LINGO2: variants seen among roughly 807,000 people sequenced by gnomAD.
The protein encoded by LINGO2 is leucine-rich repeat and immunoglobulin-like domain-containing nogo receptor-interacting protein 2.
Under a neutral mutation model 30.6 loss-of-function variants are expected in LINGO2, and 14 were observed. The observed-to-expected ratio is 0.46, with a 90% confidence interval of 0.30 to 0.72. The LOEUF (loss-of-function observed/expected upper bound fraction) is 0.72. Ranked by LOEUF, LINGO2 falls within the 30% of genes least tolerant of loss-of-function variation. The pLI is 0.07. For missense variants in LINGO2, 729 were observed against 751.7 expected (o/e 0.97, Z 0.35); for synonymous variants, 317 against 288.5 (o/e 1.10, Z -1.00).
At chr9:29,073,297 C>T in the LINGO2 span, among the ~76,000 whole-genome samples, 2 of 151,922 alleles carry the variant, frequency 1.3e-5, no homozygotes, top group African/African-American at 2.4e-5. Context: ...CTAAAGACAT[C>T]GTTCAGATAA....
the LINGO2 span, among the ~76,000 whole-genome samples, chr9:28,723,255 T>C: frequency 6.6e-6 from 1 of 152,138 alleles, no homozygotes; most frequent in Non-Finnish European, 1.5e-5. Context: ...CTGTTGCTGG[T>C]ATAAGTGCTG....
intron 5 of LINGO2, among the ~76,000 whole-genome samples, chr9:27,988,467 C>T (rs191419341): frequency 2.6e-5 from 4 of 152,172 alleles, no homozygotes; most frequent in Admixed American, 6.5e-5. Flanking sequence ...GTCCCACCAA[C>T]AGTGTAAAAG....
At chr9:28,195,233 A>G (rs1243607130) in intron 4 of LINGO2, among the ~76,000 whole-genome samples, 5 of 151,892 alleles carry the variant, frequency 3.3e-5, no homozygotes, top group Non-Finnish European at 7.4e-5. Context: ...TGACAGGAAA[A>G]GGCATAAAAT....
the LINGO2 span, among the ~76,000 whole-genome samples, chr9:29,206,856 T>G: frequency 6.6e-6 from 1 of 152,174 alleles, no homozygotes; most frequent in Non-Finnish European, 1.5e-5. Context: ...TGCATATTAA[T>G]TGATGTGAAT....
chr9:28,177,662 T>TA (rs1270170606), intron 4 of LINGO2, among the ~76,000 whole-genome samples: 1 of 151,912 alleles, frequency 6.6e-6, no homozygotes, highest in Non-Finnish European at 1.5e-5. Context: ...GGTGGAAATA[T>TA]AAAAAGGAGC....
chr9:29,172,194 T>G, the LINGO2 span, among the ~76,000 whole-genome samples: 1 of 151,910 alleles, frequency 6.6e-6, no homozygotes, highest in Non-Finnish European at 1.5e-5. Flanking sequence ...AGAGTATTTT[T>G]GATAGTTATT....
intron 2 of LINGO2, among the ~76,000 whole-genome samples, chr9:28,461,299 C>T (rs1056107925): frequency 3.3e-5 from 5 of 152,044 alleles, no homozygotes; most frequent in Non-Finnish European, 7.4e-5. Context: ...GCTATACAAG[C>T]AGTATTTTCA....
chr9:28,802,543 C>T, the LINGO2 span, among the ~76,000 whole-genome samples: 1 of 151,538 alleles, frequency 6.6e-6, no homozygotes, highest in African/African-American at 2.4e-5. Context: ...TTCAAAAATA[C>T]TTGTCAGAAT....
the LINGO2 span, among the ~76,000 whole-genome samples, chr9:29,062,682 A>C: frequency 6.6e-6 from 1 of 152,092 alleles, no homozygotes; most frequent in South Asian, 2.1e-4. Context: ...GAGTAAAGAG[A>C]ATGAAATGGG....
the LINGO2 span, among the ~76,000 whole-genome samples, chr9:29,128,747 G>A: frequency 6.6e-6 from 1 of 152,096 alleles, no homozygotes; most frequent in African/African-American, 2.4e-5. Context: ...CTATCTCATG[G>A]CTAGAGTTCC....
chr9:28,509,339 G>T (rs1479688508), intron 1 of LINGO2, among the ~76,000 whole-genome samples: 1 of 152,150 alleles, frequency 6.6e-6, no homozygotes, highest in African/African-American at 2.4e-5. Context: ...TTTATTGCTT[G>T]AAACTCCTTC....
chr9:29,208,690 CA>C, the LINGO2 span, among the ~76,000 whole-genome samples: 1 of 152,078 alleles, frequency 6.6e-6, no homozygotes, highest in African/African-American at 2.4e-5. Context: ...TAGCTGTTAT[CA>C]ATTTTTAAAC....
the LINGO2 span, among the ~76,000 whole-genome samples, chr9:28,832,458 G>T: frequency 3.9e-4 from 60 of 152,118 alleles, no homozygotes; most frequent in Non-Finnish European, 7.4e-4. Context: ...CTCTGGAGCT[G>T]ATAGAGTATA....
chr9:27,957,338 G>A (rs528083294), intron 5 of LINGO2, among the ~76,000 whole-genome samples: 151 of 152,088 alleles, frequency 9.9e-4, no homozygotes, highest in African/African-American at 3.4e-3. Context: ...TTTGTCGCCC[G>A]GCTGGAGTGA....
intron 2 of LINGO2, among the ~76,000 whole-genome samples, chr9:28,470,634 T>C (rs1013450830): frequency 1.3e-5 from 2 of 152,118 alleles, no homozygotes; most frequent in Non-Finnish European, 2.9e-5. Context: ...ACGAATGGGG[T>C]ATGCAATCAT....
chr9:28,001,634 G>A lies in LINGO2; in HGVS notation c.-36+10721C>T, dbSNP rs906076364. Reference sequence around the variant, plus strand: ...GCAAGTCTTTCAGAGGCATTGTTCCGGGGAAAAGATAGGACCATTCGGAAA... The same window carrying A: ...GCAAGTCTTTCAGAGGCATTGTTCCAGGGAAAAGATAGGACCATTCGGAAA... On this transcript the variant is annotated intron_variant, in intron 5 of 5. Coordinates refer to ENST00000379992, the Ensembl canonical transcript of LINGO2. 2.6e-5 allele frequency among the ~76,000 whole-genome samples: 4 copies of A among 152,128 alleles called. No homozygotes were observed. In the South Asian group the frequency reaches 6.2e-4, roughly 24 times the overall value.
chr9:28,324,319 AT>A (rs772203502), intron 3 of LINGO2, among the ~76,000 whole-genome samples: 63 of 152,256 alleles, frequency 4.1e-4, no homozygotes, highest in Non-Finnish European at 6.8e-4. Flanking sequence ...GGTTTCGGTA[AT>A]CGGTTTTTAC....
chr9:28,061,458 C>T (rs1377919964), intron 4 of LINGO2, among the ~76,000 whole-genome samples: 1 of 151,656 alleles, frequency 6.6e-6, no homozygotes, highest in Non-Finnish European at 1.5e-5. Flanking sequence ...TGTTTATGTG[C>T]AGAAATAGAG....
intron 2 of LINGO2, among the ~76,000 whole-genome samples, chr9:28,398,066 G>T (rs1387715105): frequency 6.6e-6 from 1 of 152,120 alleles, no homozygotes; most frequent in Non-Finnish European, 1.5e-5. Flanking sequence ...TTAAAGAAAT[G>T]CCATTATAAG....
Sources: allele counts gnomAD v4.1 joint callset (sites outside exome capture counted in the v4.1 genomes callset), GRCh38; gene constraint gnomAD v4.1.1; transcripts MANE v1.5; gene names NCBI Gene and HGNC (gene_info 2026-07-23, HGNC 2026-07-21).